The following HERC1 variants were observed in gnomAD, a reference collection of about 807,000 sequenced individuals.
HERC1 encodes the protein HECT and RLD domain containing E3 ubiquitin protein ligase family member 1, also known as probable E3 ubiquitin-protein ligase HERC1.
Under a neutral mutation model 554.3 loss-of-function variants are expected in HERC1, and 160 were observed. That is an observed-to-expected ratio of 0.29 (90% CI 0.25 to 0.33). The LOEUF (loss-of-function observed/expected upper bound fraction) is 0.33. Among genes scored for constraint, HERC1 ranks in the 10% least tolerant of loss-of-function variants. The pLI, the probability that HERC1 is intolerant of heterozygous loss-of-function variation, is 1.00. For missense variants in HERC1, 4,919 were observed against 5,918.5 expected (o/e 0.83, Z 5.54); for synonymous variants, 2,175 against 2,131.7 (o/e 1.02, Z -0.56).
At chr15:63,707,037 A>T (rs891447019) in intron 24 of HERC1, among the ~76,000 whole-genome samples, 1 of 152,210 alleles carries the variant, frequency 6.6e-6, no homozygotes, top group East Asian at 1.9e-4. Context: ...ACTCTGAAAC[A>T]CTAACTAAAA....
chr15:63,618,988 T>C (rs2067947438), intron 74 of HERC1, among the ~76,000 whole-genome samples: 1 of 152,142 alleles, frequency 6.6e-6, no homozygotes, highest in South Asian at 2.1e-4. Flanking sequence ...GCCCTTTATT[T>C]CCTTCTCCTG....
chr15:63,660,920 G>A (rs1409984112), intron 46 of HERC1, 53 bp downstream of exon 46: 2 of 1,055,766 alleles, frequency 1.9e-6, no homozygotes, highest in East Asian at 4.7e-5. Context: ...ATGTTAAGCA[G>A]AGAGGATATA....
At chr15:63,689,309 T>C (rs2071968902) in intron 33 of HERC1, among the ~76,000 whole-genome samples, 1 of 152,198 alleles carries the variant, frequency 6.6e-6, no homozygotes, top group South Asian at 2.1e-4. Flanking sequence ...AGAAAGTGGC[T>C]GAAACATGCA....
chr15:63,716,546 A>C, intron 21 of HERC1, 73 bp from the exon 22 acceptor site: 1 of 1,248,538 alleles, frequency 8.0e-7, no homozygotes, highest in South Asian at 1.6e-5. Flanking sequence ...AAAAACCTTT[A>C]ATTTTTTATC....
chr15:63,746,754 G>A lies in HERC1; in HGVS notation c.2520+164C>T, dbSNP rs74019006. On this transcript the variant is annotated intron_variant, in intron 12 of 77. Transcript: ENST00000443617. The stretch of plus-strand genomic sequence containing the variant: ...TTATCAGAGATGGCATCTGACCTTT[G>A]TCTCAAGGATGAGTTAACCAAAAAT... Among the ~76,000 whole-genome samples, 2,475 of 152,292 alleles carry A rather than the reference G, an allele frequency of 0.016. 58 individuals carry two copies. Among genetic ancestry groups the A allele is most frequent in the African/African-American group, 0.057 (2,373 of 41,540 alleles).
intron 21 of HERC1, among the ~76,000 whole-genome samples, chr15:63,717,619 C>T (rs1037745920): frequency 1.3e-5 from 2 of 152,118 alleles, no homozygotes; most frequent in Non-Finnish European, 1.5e-5. Context: ...TTTGGGAGGC[C>T]GAGGTGGGTG....
chr15:63,716,586 C>T (rs1021402087), intron 21 of HERC1, 113 bp from the exon 22 acceptor site: 7 of 840,438 alleles, frequency 8.3e-6, no homozygotes, highest in Non-Finnish European at 1.2e-5. Flanking sequence ...TCAGTAATAA[C>T]ACATGAACTT....
intron 74 of HERC1, among the ~76,000 whole-genome samples, chr15:63,618,070 A>C (rs886193683): frequency 9.2e-5 from 14 of 152,044 alleles, no homozygotes; most frequent in African/African-American, 3.4e-4. Flanking sequence ...TTAGACATGA[A>C]GTCCTTGCCC....
At chr15:63,819,791 T>C (rs950623862) in intron 1 of HERC1, among the ~76,000 whole-genome samples, 3 of 152,216 alleles carry the variant, frequency 2.0e-5, no homozygotes, top group African/African-American at 7.2e-5. Flanking sequence ...GTCTATGCTC[T>C]GCCCCCGCTA....
At position 63,634,609 on chromosome 15, in the gene HERC1, A is replaced by G. The variant is rs1245536394; in HGVS notation, c.12570+124T>C. The G allele has an allele frequency of 2.4e-5, 16 of 677,288 alleles. 1 individual carries two copies. The Middle Eastern group carries it at 1.4e-3, about 60-fold the overall frequency. 42.0% of individuals were successfully genotyped at this position (677,288 alleles called of 1,614,324 possible). On this transcript the variant is annotated intron_variant, in intron 66 of 77. Transcript: ENST00000443617. ...AACAGTTAAAATTATCAATTAGACC[A>G]TAGCAAAATGTACATGAGGTTAGGT...
chr15:63,694,801 C>A lies in HERC1; in HGVS notation c.5215G>T (p.Ala1739Ser), dbSNP rs2072308833. 1.2e-6 allele frequency: 2 copies of A among 1,613,794 alleles called. No homozygotes were observed. The highest frequency in any genetic ancestry group is 1.7e-6 in the Non-Finnish European group (2 of 1,179,864). ...YQQLSATLER[A>S]LQANKHHIEA... ...ATGTGATGCTTGTTTGCTTGCAGGGCTCTTTCCAGGGTAGCAGACAACTGT... is the reference window on the plus strand; with the variant it reads ...ATGTGATGCTTGTTTGCTTGCAGGGATCTTTCCAGGGTAGCAGACAACTGT... Residue 1739 changes from alanine (A) to serine (S), a missense_variant, in exon 28 of 78, where the codon GCC becomes TCC. This residue lies in a region of HERC1 where 1,121 missense variants were observed against 1,244.0 expected (regional missense o/e 0.90). Transcript: ENST00000443617. This position sits in a 1 kb window ranked among gnomAD's most constrained non-coding sequence, Gnocchi z 4.3.
At chr15:63,789,907 C>G (rs2076585533) in intron 1 of HERC1, among the ~76,000 whole-genome samples, 3 of 151,758 alleles carry the variant, frequency 2.0e-5, no homozygotes, top group East Asian at 1.9e-4. Flanking sequence ...TCAGAAGAAT[C>G]CAGCTAAATA....
At chr15:63,815,531 C>G (rs985815134) in intron 1 of HERC1, among the ~76,000 whole-genome samples, 4 of 152,220 alleles carry the variant, frequency 2.6e-5, no homozygotes, top group Admixed American at 6.5e-5. Flanking sequence ...AAGTCCTTTT[C>G]TAACCTTGCC....
intron 46 of HERC1, among the ~76,000 whole-genome samples, chr15:63,660,418 C>T (rs1436156355): frequency 6.6e-6 from 1 of 152,192 alleles, no homozygotes; most frequent in Non-Finnish European, 1.5e-5. Context: ...ATGGCACCAT[C>T]TCCTGAAAAC....
intron 67 of HERC1, 137 bp from the exon 68 acceptor site, chr15:63,632,948 C>T (rs2068626539): frequency 3.2e-6 from 2 of 633,286 alleles, no homozygotes; most frequent in South Asian, 2.0e-5. Flanking sequence ...CAAATCCAAA[C>T]CTGAAATGTT....
At chr15:63,802,578 T>C (rs1355624207) in intron 1 of HERC1, among the ~76,000 whole-genome samples, 5 of 151,968 alleles carry the variant, frequency 3.3e-5, no homozygotes, top group Admixed American at 3.3e-4. Flanking sequence ...AGGTAAAAAT[T>C]TATAACACTA....
At chr15:63,638,591 T>A in intron 62 of HERC1, 55 bp from the exon 63 acceptor site, 1 of 1,612,210 alleles carries the variant, frequency 6.2e-7, no homozygotes, top group Non-Finnish European at 8.5e-7. Context: ...CAAACAGCCA[T>A]GTACTACGTA....
At position 63,675,435 on chromosome 15, in the gene HERC1, T is replaced by C. The variant is rs369478752; in HGVS notation, c.7071-318A>G. Among the ~76,000 whole-genome samples, 8 of 152,318 alleles carry C rather than the reference T, an allele frequency of 5.3e-5. No individual in the cohort carries two copies. In the South Asian group the frequency reaches 1.2e-3, roughly 24 times the overall value. ...ATTTTAGACTCTGCAGGGCACACAG[T>C]CTCAGCTGCAACCACTCAACCCTGC... is the stretch of plus-strand genomic sequence containing the variant. On this transcript the variant is annotated intron_variant, in intron 37 of 77. Transcript: ENST00000443617.
At chr15:63,725,975 T>C (rs2074023310) in intron 17 of HERC1, among the ~76,000 whole-genome samples, 1 of 150,264 alleles carries the variant, frequency 6.7e-6, no homozygotes, top group Non-Finnish European at 1.5e-5. Context: ...TTTCTTTTTT[T>C]CTGGGGGGCG....
Sources: gnomAD v4.1 joint callset for allele counts (sites outside exome capture counted in the v4.1 genomes callset) on GRCh38, gnomAD v4.1.1 for gene constraint, gnomAD v4.1.1 regional missense constraint, Gnocchi (gnomAD v3.1) non-coding constraint, MANE v1.5 for transcripts, NCBI Gene and HGNC (gene_info 2026-07-23, HGNC 2026-07-21) for gene names.